The following GNB1L variants were observed in gnomAD, a reference collection of about 807,000 sequenced individuals.
GNB1L encodes guanine nucleotide-binding protein subunit beta-like protein 1.
In GNB1L, 20 loss-of-function variants were observed where a neutral mutation model predicts 29.1. The ratio of observed to expected loss-of-function variants is 0.69; its 90% confidence interval spans 0.48 to 1.00. GNB1L has a LOEUF of 1.00. Among genes scored for constraint, GNB1L ranks in the 50% least tolerant of loss-of-function variants. The probability of loss-of-function intolerance (pLI) is 0.00; values close to 1 mark genes in which losing one functional copy is unlikely to be tolerated. For synonymous variants in GNB1L, 193 were observed against 206.5 expected (o/e 0.93, Z 0.56); for missense variants, 421 against 464.9 (o/e 0.91, Z 0.87).
chr22:19,833,067 T>C (rs1011821538), intron 2 of GNB1L, among the ~76,000 whole-genome samples: 4 of 152,246 alleles, frequency 2.6e-5, no homozygotes, highest in Non-Finnish European at 5.9e-5. Flanking sequence ...CTCAGCTCTC[T>C]CTGGAGGACC....
intron 5 of GNB1L, among the ~76,000 whole-genome samples, chr22:19,809,144 T>G (rs111650665): frequency 4.0e-5 from 6 of 151,690 alleles, no homozygotes; most frequent in African/African-American, 1.5e-4. Context: ...ACACCCCCAT[T>G]CTGTGCCTTT....
At chr22:19,792,633 C>G (rs1017490106) in intron 7 of GNB1L, 23 of 1,586,336 alleles carry the variant, frequency 1.4e-5, no homozygotes, top group Non-Finnish European at 1.8e-5. Flanking sequence ...GAAGCAGAGA[C>G]TGTTGGCCTG....
At position 19,802,196 on chromosome 22, in the gene GNB1L, TG is replaced by T; in HGVS notation, c.536del (p.Pro179HisfsTer174). 1 of 1,612,178 alleles carries T rather than the reference TG, an allele frequency of 6.2e-7. No individual in the cohort carries two copies. ...CATCCTCATAGCCGGCCAGAAGGAGTGGGCGGGAGCTGCAGTCGGCCTGCGG... is the reference window on the plus strand; with the variant it reads ...CATCCTCATAGCCGGCCAGAAGGAGTGGCGGGAGCTGCAGTCGGCCTGCGG... ...RLWQADCSSR[P>X]LLLAGYEDGS... is the part of the protein sequence containing the mutation. On this transcript the variant is annotated frameshift_variant, in exon 7 of 8. Coordinates refer to ENST00000329517, the MANE Select transcript of GNB1L (RefSeq NM_053004.3). LOFTEE classifies it high-confidence loss of function.
At chr22:19,789,004 A>G (rs774371201) in intron 7 of GNB1L, 44 bp from the exon 8 acceptor site, 3 of 1,552,884 alleles carry the variant, frequency 1.9e-6, no homozygotes, top group Non-Finnish European at 2.6e-6. Flanking sequence ...TTAAGCCCAC[A>G]AGGCAGTGCT....
At chr22:19,848,903 G>A (rs1938028136) in intron 2 of GNB1L, 1 of 985,290 alleles carries the variant, frequency 1.0e-6, no homozygotes, top group South Asian at 4.7e-5. Flanking sequence ...GTAAAGGTCA[G>A]CTGGGTGACT....
chr22:19,805,474 G>A lies in GNB1L; in HGVS notation c.516+1185C>T, dbSNP rs76658116. Among the ~76,000 whole-genome samples, 831 of 152,358 alleles carry A rather than the reference G, an allele frequency of 5.5e-3. 22 individuals carry two copies. In the South Asian group the frequency reaches 0.082, roughly 15 times the overall value. On this transcript the variant is annotated intron_variant, in intron 6 of 7. Coordinates refer to ENST00000329517, the MANE Select transcript of GNB1L (RefSeq NM_053004.3). ...AAGGCCCAGCCCAGGGCAGTTCTCA[G>A]AGCCAAACAGAAAAGGAGGGTGCCT... is the stretch of plus-strand genomic sequence containing the variant.
chr22:19,799,673 C>A (rs532106907), intron 7 of GNB1L, among the ~76,000 whole-genome samples: 1 of 152,212 alleles, frequency 6.6e-6, no homozygotes, highest in Non-Finnish European at 1.5e-5. Flanking sequence ...GAGGGGGACA[C>A]AGCCGTGCCC....
At chr22:19,847,600 C>CCAGT (rs1937990192) in intron 2 of GNB1L, 1 of 982,178 alleles carries the variant, frequency 1.0e-6, no homozygotes, top group African/African-American at 1.8e-5. Flanking sequence ...TGCTCTAAAC[C>CCAGT]CCCATGTAGT....
intron 2 of GNB1L, chr22:19,852,356 G>A: frequency 7.3e-7 from 1 of 1,362,110 alleles, no homozygotes; most frequent in Non-Finnish European, 1.0e-6. Context: ...GGACAGGGAT[G>A]GCTGAACAGG....
Position 19,812,382 on chromosome 22 carries a change from G to T in GNB1L, c.320C>A (p.Ser107Tyr), listed in dbSNP as rs1298205111. 1.2e-6 allele frequency: 2 copies of T among 1,613,464 alleles called. No homozygotes were observed. Among genetic ancestry groups the T allele is most frequent in the Admixed American group, 3.3e-5 (2 of 60,032 alleles). Residue 107 changes from serine to tyrosine, a missense_variant, in exon 5 of 8, where the codon TCC becomes TAC. Physicochemically the swap from Ser to Tyr is moderately radical, Grantham distance 144 (BLOSUM62 -2). Transcript: ENST00000329517. ...LAEGRSAVVD[S>Y]VCLESVGFCR... ...GAAGCCCACACTCTCCAAGCACACGGAGTCCACGACAGCGCTCCTGCCCTC... is the reference window on the plus strand; with the variant it reads ...GAAGCCCACACTCTCCAAGCACACGTAGTCCACGACAGCGCTCCTGCCCTC...
At chr22:19,792,993 C>A (rs766385599) in intron 7 of GNB1L, 2 of 1,545,040 alleles carry the variant, frequency 1.3e-6, no homozygotes, top group Non-Finnish European at 1.8e-6. Flanking sequence ...CGATGAGATC[C>A]GCCGTCACTG....
intron 2 of GNB1L, among the ~76,000 whole-genome samples, chr22:19,832,456 T>C (rs2145890284): frequency 6.6e-6 from 1 of 152,302 alleles, no homozygotes; most frequent in East Asian, 1.9e-4. Flanking sequence ...TCCTAGGTTA[T>C]TCGTATGTGT....
chr22:19,838,425 T>C (rs1215394397), intron 2 of GNB1L, among the ~76,000 whole-genome samples: 1 of 152,162 alleles, frequency 6.6e-6, no homozygotes, highest in Admixed American at 6.5e-5. Context: ...GTGCCCACAC[T>C]CTGGAAAAGA....
chr22:19,847,654 T>C lies in GNB1L; in HGVS notation c.-21+6789A>G, dbSNP rs975749735. 3.0e-6 allele frequency: 3 copies of C among 984,914 alleles called. No homozygotes were observed. The African/African-American group carries it at 5.2e-5, about 17-fold the overall frequency. The allele number at this position is 984,914 out of a possible 1,614,324, so 61.0% of individuals were successfully genotyped here. ...CCCCTGGCAAGAGCCTTCATGCACC[T>C]AGCAAGTAGTCACAGCATGCATGTG... On this transcript the variant is annotated intron_variant, in intron 2 of 7. Coordinates refer to ENST00000329517, the MANE Select transcript of GNB1L (RefSeq NM_053004.3).
intron 2 of GNB1L, chr22:19,849,739 A>G: frequency 1.0e-6 from 1 of 985,390 alleles, no homozygotes; most frequent in East Asian, 1.1e-4. Flanking sequence ...TTTCCAATTC[A>G]CATTTCTGCT....
In GNB1L at chr22:19,802,171, C is replaced by T; in HGVS notation, c.562G>A (p.Gly188Arg). The T allele has an allele frequency of 6.2e-7, 1 of 1,613,216 alleles. No homozygotes were observed. The highest frequency in any genetic ancestry group is 8.5e-7 in the Non-Finnish European group (1 of 1,180,026). ...RPLLLAGYED[G>R]SVVLWDVSEQ... ...GAGACGTCCCACAGGACCACCGATC[C>T]ATCCTCATAGCCGGCCAGAAGGAGT... The change falls in exon 7 of 8, where the codon GGA becomes AGA. Residue 188 changes from glycine (G) to arginine (R), a missense_variant. Gly to Arg is a moderately radical substitution (Grantham distance 125). Transcript: ENST00000329517.
rs767117842 is a variant in GNB1L at position 19,816,885 on chromosome 22, C to T, written c.254+3713G>A. ...CTCCCAGGCTGCCGCTGCCACACCA[C>T]CCCCCCAACCCTGCTTCTTTGACTG... On this transcript the variant is annotated intron_variant, in intron 4 of 7. Transcript: ENST00000329517. The surrounding 1 kb of genome is among the most constrained non-coding windows in gnomAD (Gnocchi z 4.4). Among the ~76,000 whole-genome samples, 21 of 152,106 alleles carry T rather than the reference C, an allele frequency of 1.4e-4. No individual in the cohort carries two copies. The highest frequency in any genetic ancestry group is 2.4e-4 in the Non-Finnish European group (16 of 68,002).
intron 7 of GNB1L, among the ~76,000 whole-genome samples, chr22:19,796,050 A>G (rs1168866869): frequency 6.6e-6 from 1 of 152,218 alleles, no homozygotes; most frequent in Non-Finnish European, 1.5e-5. Flanking sequence ...GGAAGGTTGG[A>G]GGTAAAATGA....
intron 2 of GNB1L, among the ~76,000 whole-genome samples, chr22:19,825,576 C>T (rs1937613887): frequency 1.3e-5 from 2 of 151,672 alleles, no homozygotes; most frequent in South Asian, 2.1e-4. Flanking sequence ...GAGCCATGAT[C>T]GCGCCACTGC....
Sources: gnomAD v4.1 joint callset for allele counts (sites outside exome capture counted in the v4.1 genomes callset) on GRCh38, gnomAD v4.1.1 for gene constraint, Gnocchi (gnomAD v3.1) non-coding constraint, MANE v1.5 for transcripts, NCBI Gene and HGNC (gene_info 2026-07-23, HGNC 2026-07-21) for gene names.